Variants in TEX35 observed in about 807,000 individuals in gnomAD.
TEX35 encodes the protein testis expressed 35.
A neutral mutation model predicts 31.9 loss-of-function variants in TEX35; 26 were observed. That is an observed-to-expected ratio of 0.81 (90% CI 0.60 to 1.13). The LOEUF (loss-of-function observed/expected upper bound fraction) is 1.13. TEX35 is among the 50% of genes most tolerant of loss of function. TEX35 has a pLI of 0.00. For synonymous variants in TEX35, 87 were observed against 90.7 expected, an observed-to-expected ratio of 0.96 and a Z score of 0.23; for missense variants, 278 against 273.5, an observed-to-expected ratio of 1.02 and a Z score of -0.12.
At chr1:178,513,399 A>G in intron 1 of TEX35, 172 bp downstream of exon 1, 1 of 901,564 alleles carries the variant, frequency 1.1e-6, no homozygotes, top group Non-Finnish European at 1.7e-6. Context: ...ATTAATCCCT[A>G]GCCTTGGGGG....
At position 178,514,063 on chromosome 1, in the gene TEX35, C is replaced by A. The variant is rs773230652; in HGVS notation, c.76C>A (p.Pro26Thr). 3 of 1,614,202 alleles carry A rather than the reference C, an allele frequency of 1.9e-6. No homozygotes were observed. The South Asian group carries it at 3.3e-5, about 18-fold the overall frequency. Residue 26 changes from proline (P) to threonine (T), a missense_variant, in exon 2 of 9, where the codon CCA becomes ACA. By Grantham distance (38) the Pro-to-Thr change is conservative. Transcript: ENST00000319416. Reference sequence around the variant, plus strand: ...CAAGGCAGTTTGCCTGGAATTGAAGCCAGAGCCGACCAAAGTAAGAAGCCC... The same window carrying A: ...CAAGGCAGTTTGCCTGGAATTGAAGACAGAGCCGACCAAAGTAAGAAGCCC... ...NYKAVCLELK[P>T]EPTKTFDYKA... is the part of the protein sequence containing the mutation.
chr1:178,515,002 G>T (rs73040007), intron 3 of TEX35, among the ~76,000 whole-genome samples: 63 of 152,306 alleles, frequency 4.1e-4, no homozygotes, highest in Middle Eastern at 3.4e-3. Context: ...ACGTTTTCTG[G>T]TCTAGGGTCT....
rs1462150414 is a variant in TEX35 at position 178,515,865 on chromosome 1, C to T, written c.166C>T (p.Leu56Phe). 2 of 1,611,522 alleles carry T rather than the reference C, an allele frequency of 1.2e-6. No homozygotes were observed. Among genetic ancestry groups the T allele is most frequent in the Admixed American group, 1.7e-5 (1 of 59,884 alleles). ...CTCCATTTTATTTCCTCAGAATGAA[C>T]TCAGGGAAGTGAGAGAAGAGCTCAA... ...AGVTQDLKNE[L>F]REVREELKEK... The change falls in exon 4 of 9, where the codon CTC becomes TTC. Residue 56 changes from leucine to phenylalanine, a missense_variant. Leu to Phe is a conservative substitution (Grantham distance 22). Transcript: ENST00000319416.
At chr1:178,517,146 A>G (rs778367685) in intron 5 of TEX35, among the ~76,000 whole-genome samples, 20 of 152,224 alleles carry the variant, frequency 1.3e-4, no homozygotes, top group African/African-American at 4.3e-4. Flanking sequence ...AAGACTGAGA[A>G]GCATAAGCTG....
At chr1:178,522,286 C>A (rs776731771) in intron 8 of TEX35, 39 bp from the exon 9 acceptor site, 10 of 1,535,510 alleles carry the variant, frequency 6.5e-6, no homozygotes, top group Middle Eastern at 2.1e-4. Flanking sequence ...CCCTTCTCAC[C>A]CCCTTGAAGG....
chr1:178,520,866 A>C lies in TEX35; in HGVS notation c.535A>C (p.Thr179Pro). 1 of 1,614,084 alleles carries C rather than the reference A, an allele frequency of 6.2e-7. No homozygotes were observed. Among genetic ancestry groups the C allele is most frequent in the South Asian group, 1.1e-5 (1 of 91,074 alleles). ...ACTGGATCCCCTTCATCACTGTGGG[A>C]CCTGCTGCGTAAGTGAAACCCTGCC... ...GSLDPLHHCG[T>P]CCEKCLLCAL... Residue 179 changes from threonine to proline, a missense_variant, in exon 7 of 9, where the codon ACC becomes CCC. Coordinates refer to ENST00000319416, the MANE Select transcript of TEX35 (RefSeq NM_032126.5).
chr1:178,521,070 C>T, intron 7 of TEX35, 152 bp from the exon 8 acceptor site: 2 of 1,567,378 alleles, frequency 1.3e-6, no homozygotes, highest in Non-Finnish European at 1.7e-6. Flanking sequence ...TAGCTGTGAC[C>T]ATGCAGGACT....
chr1:178,520,977 T>C, intron 7 of TEX35, 103 bp downstream of exon 7: 13 of 1,558,396 alleles, frequency 8.3e-6, no homozygotes, highest in Non-Finnish European at 1.1e-5. Flanking sequence ...AAGGGACAGG[T>C]CCGCCCGCTG....
intron 8 of TEX35, chr1:178,521,512 G>A: frequency 8.5e-7 from 1 of 1,178,358 alleles, no homozygotes; most frequent in Non-Finnish European, 1.2e-6. Context: ...CACCACTAGT[G>A]GCGGAACTGA....
Position 178,516,693 on chromosome 1 carries a change from C to T in TEX35, c.276+19C>T. 2 of 1,583,294 alleles carry T rather than the reference C, an allele frequency of 1.3e-6. No homozygotes were observed. The highest frequency in any genetic ancestry group is 1.7e-6 in the Non-Finnish European group (2 of 1,157,010). ...TATGAAGGTAAGCATTACTTGAGTGCCTTCCATGGGCCAGTACCATACTGG... is the reference window on the plus strand; with the variant it reads ...TATGAAGGTAAGCATTACTTGAGTGTCTTCCATGGGCCAGTACCATACTGG... On this transcript the variant is annotated intron_variant, in intron 5 of 8. Coordinates refer to ENST00000319416, the MANE Select transcript of TEX35 (RefSeq NM_032126.5).
intron 5 of TEX35, 140 bp downstream of exon 5, chr1:178,516,814 ATAAT>A (rs1572174540): frequency 1.7e-6 from 1 of 579,172 alleles, no homozygotes. Context: ...TGCAAGCCAA[ATAAT>A]TAATTCGTTG....
At chr1:178,521,348 A>T in intron 8 of TEX35, 84 bp downstream of exon 8, 1 of 1,467,368 alleles carries the variant, frequency 6.8e-7, no homozygotes, top group Middle Eastern at 1.7e-4. Flanking sequence ...CCGCATTCAC[A>T]TCACACCCCT....
chr1:178,518,795 T>A (rs777554677), intron 5 of TEX35, among the ~76,000 whole-genome samples: 25 of 152,158 alleles, frequency 1.6e-4, no homozygotes, highest in Non-Finnish European at 3.1e-4. Context: ...AGTGTTTTGT[T>A]GGTGGGGAGG....
intron 5 of TEX35, among the ~76,000 whole-genome samples, chr1:178,518,233 C>T (rs979033989): frequency 5.6e-5 from 8 of 142,060 alleles, no homozygotes; most frequent in African/African-American, 2.4e-4. Flanking sequence ...ATTACAATTA[C>T]AGTATAAGAC....
chr1:178,523,240 A>G (rs1650344832), downstream of TEX35: 2 of 696,568 alleles, frequency 2.9e-6, no homozygotes, highest in Non-Finnish European at 5.2e-6. Flanking sequence ...TATTGTGAAC[A>G]GTGATGCAAC....
At position 178,517,428 on chromosome 1, in the gene TEX35, G is replaced by A. The variant is rs550258841; in HGVS notation, c.276+754G>A. ...GTGGGCCGGAGTTGCTTAAAACTCC[G>A]TTTAGATTCAGATGCTTGCCTGTGG... is the stretch of plus-strand genomic sequence containing the variant. On this transcript the variant is annotated intron_variant, in intron 5 of 8. Transcript: ENST00000319416. Among the ~76,000 whole-genome samples, 16 of 152,284 alleles carry A rather than the reference G, an allele frequency of 1.1e-4. No individual in the cohort carries two copies. The South Asian group carries it at 2.3e-3, about 22-fold the overall frequency.
Position 178,513,113 on chromosome 1 carries a change from T to A in TEX35, c.-76T>A. The stretch of plus-strand genomic sequence containing the variant: ...TGGTCACCCTGCCCTCACCTTGACC[T>A]GTAAGTTGCCTAGGACAGTGGCCTG... On this transcript the variant is annotated 5_prime_UTR_variant, in exon 1 of 9. Coordinates refer to ENST00000319416, the MANE Select transcript of TEX35 (RefSeq NM_032126.5). 1 of 1,512,254 alleles carries A rather than the reference T, an allele frequency of 6.6e-7. No homozygotes were observed. 93.7% of individuals were successfully genotyped at this position (1,512,254 alleles called of 1,614,324 possible).
intron 5 of TEX35, among the ~76,000 whole-genome samples, chr1:178,518,962 T>A (rs568593080): frequency 4.6e-5 from 7 of 151,712 alleles, no homozygotes; most frequent in Admixed American, 4.6e-4. Context: ...AAAAAATGAA[T>A]GGGCACAAAG....
chr1:178,516,749 C>A, intron 5 of TEX35, 75 bp downstream of exon 5: 1 of 1,021,042 alleles, frequency 9.8e-7, no homozygotes, highest in Non-Finnish European at 1.4e-6. Flanking sequence ...GCAGACCCTG[C>A]CCTCCAGGAG....
Sources: gnomAD v4.1 joint callset for allele counts (sites outside exome capture counted in the v4.1 genomes callset) on GRCh38, gnomAD v4.1.1 for gene constraint, MANE v1.5 for transcripts, NCBI Gene and HGNC (gene_info 2026-07-23, HGNC 2026-07-21) for gene names.